Variants in JAK2 observed in about 807,000 individuals in gnomAD.
JAK2 encodes tyrosine-protein kinase JAK2.
Under a neutral mutation model 139.3 loss-of-function variants are expected in JAK2, and 86 were observed. That is an observed-to-expected ratio of 0.62 (90% CI 0.52 to 0.74). The LOEUF is 0.74. JAK2 is among the 30% of genes least tolerant of loss of function. The pLI is 0.00. For synonymous variants in JAK2, 490 were observed against 437.7 expected (o/e 1.12, Z -1.49); for missense variants, 1,421 against 1,360.3 (o/e 1.04, Z -0.70).
intron 22 of JAK2, chr9:5,111,760 C>T (rs1418537794): frequency 1.4e-5 from 6 of 422,026 alleles, no homozygotes; most frequent in Admixed American, 5.6e-5. Flanking sequence ...GAGAAGTGAA[C>T]GGTGGGCTTC....
chr9:5,035,577 A>T (rs1195460604), intron 4 of JAK2, among the ~76,000 whole-genome samples: 1 of 152,256 alleles, frequency 6.6e-6, no homozygotes, highest in East Asian at 1.9e-4. Flanking sequence ...GGCTGGTTCA[A>T]CATATGCAAA....
chr9:4,987,781 A>G (rs568005309), intron 2 of JAK2, among the ~76,000 whole-genome samples: 3 of 150,958 alleles, frequency 2.0e-5, no homozygotes, highest in South Asian at 2.1e-4. Context: ...ATTATTTACG[A>G]CTCTTTTAGC....
chr9:5,115,733 A>C (rs1823101534), intron 22 of JAK2, among the ~76,000 whole-genome samples: 2 of 152,266 alleles, frequency 1.3e-5, no homozygotes, highest in African/African-American at 4.8e-5. Flanking sequence ...ATGCAGCCAT[A>C]AACAAGGATG....
At chr9:5,041,983 T>G (rs1291497666) in intron 4 of JAK2, 1 of 364,460 alleles carries the variant, frequency 2.7e-6, no homozygotes, top group Admixed American at 3.8e-5. Flanking sequence ...AGCGAGCTTG[T>G]GTGAGGGCCT....
At chr9:5,067,279 T>G (rs1238178126) in intron 10 of JAK2, among the ~76,000 whole-genome samples, 1 of 152,142 alleles carries the variant, frequency 6.6e-6, no homozygotes, top group African/African-American at 2.4e-5. Context: ...TTAAGAATAG[T>G]GGTCTACAAT....
At chr9:5,106,358 T>C (rs1252122624) in intron 22 of JAK2, among the ~76,000 whole-genome samples, 1 of 152,170 alleles carries the variant, frequency 6.6e-6, no homozygotes, top group Non-Finnish European at 1.5e-5. Flanking sequence ...TACCATCTCA[T>C]GCCAGTTAGA....
At chr9:4,987,438 G>T (rs564273683) in intron 2 of JAK2, among the ~76,000 whole-genome samples, 5 of 152,136 alleles carry the variant, frequency 3.3e-5, no homozygotes, top group Non-Finnish European at 7.3e-5. Context: ...TGCCACTTAA[G>T]AGTTGCATTA....
intron 2 of JAK2, among the ~76,000 whole-genome samples, chr9:4,996,328 A>G (rs1820558280): frequency 6.6e-6 from 1 of 152,144 alleles, no homozygotes; most frequent in Non-Finnish European, 1.5e-5. Flanking sequence ...CATGCCTGTA[A>G]TCTGAGCTAC....
intron 22 of JAK2, among the ~76,000 whole-genome samples, chr9:5,120,782 A>T (rs938856988): frequency 6.6e-6 from 1 of 152,232 alleles, no homozygotes; most frequent in African/African-American, 2.4e-5. Context: ...TTAGTGGGTC[A>T]TTAGACACTG....
At chr9:5,071,793 G>T (rs1475647404) in intron 12 of JAK2, among the ~76,000 whole-genome samples, 2 of 152,160 alleles carry the variant, frequency 1.3e-5, no homozygotes, top group African/African-American at 4.8e-5. Flanking sequence ...CAGGTAACTT[G>T]ACTAACATTA....
chr9:5,104,426 C>T (rs1227393667), intron 22 of JAK2, among the ~76,000 whole-genome samples: 3 of 152,058 alleles, frequency 2.0e-5, no homozygotes, highest in Admixed American at 6.6e-5. Flanking sequence ...TAATAGCCTA[C>T]CAACCAAAAA....
intron 22 of JAK2, chr9:5,108,108 G>A (rs547851769): frequency 6.6e-6 from 1 of 152,102 alleles, no homozygotes; most frequent in South Asian, 2.1e-4. Flanking sequence ...ATCTGCTGAT[G>A]TCACCCCTCC....
intron 18 of JAK2, 111 bp downstream of exon 18, chr9:5,080,794 C>T (rs925948551): frequency 1.3e-6 from 1 of 762,978 alleles, no homozygotes; most frequent in Non-Finnish European, 2.0e-6. Context: ...GTCATTTGGG[C>T]CCTCTTAATT....
At position 5,055,000 on chromosome 9, in the gene JAK2, G is replaced by A; in HGVS notation, c.936+116G>A. On this transcript the variant is annotated intron_variant, in intron 7 of 24. Transcript: ENST00000381652. This position sits in a 1 kb window ranked among gnomAD's most constrained non-coding sequence, Gnocchi z 4.9. ...TGCACTTCTCCCATTTGATAGAAGT[G>A]GAAGTTTTTAATAGCGTGAACCTAT... 1 of 738,084 alleles carries A rather than the reference G, an allele frequency of 1.4e-6. No homozygotes were observed. The highest frequency in any genetic ancestry group is 2.1e-6 in the Non-Finnish European group (1 of 467,298). The allele number at this position is 738,084 out of a possible 1,614,324, so 45.7% of individuals were successfully genotyped here.
rs147458711 is a variant in JAK2, at chr9:4,998,188, T to C, written c.-26+12166T>C. Among the ~76,000 whole-genome samples, 7 of 152,288 alleles carry C rather than the reference T, an allele frequency of 4.6e-5. No individual in the cohort carries two copies. In the East Asian group the frequency reaches 1.3e-3, roughly 29 times the overall value. ...CTTCTTAAAATCTTTTAAAAATGTCTTGGTAATACAGGCTTGGAATATGAT... is the reference window on the plus strand; with the variant it reads ...CTTCTTAAAATCTTTTAAAAATGTCCTGGTAATACAGGCTTGGAATATGAT... On this transcript the variant is annotated intron_variant, in intron 2 of 24. Coordinates refer to ENST00000381652, the MANE Select transcript of JAK2 (RefSeq NM_004972.4).
chr9:5,103,416 T>C (rs1251286058), intron 22 of JAK2, among the ~76,000 whole-genome samples: 1 of 151,812 alleles, frequency 6.6e-6, no homozygotes, highest in Non-Finnish European at 1.5e-5. Flanking sequence ...CCAAGATTCA[T>C]AAAGCAAGTC....
intron 2 of JAK2, among the ~76,000 whole-genome samples, chr9:4,990,209 A>G (rs543041590): frequency 6.6e-6 from 1 of 152,350 alleles, no homozygotes; most frequent in South Asian, 2.1e-4. Flanking sequence ...GGAGGAAATC[A>G]AAGAGTGTTG....
At chr9:5,031,946 C>T (rs80231148) in intron 4 of JAK2, among the ~76,000 whole-genome samples, 3 of 152,182 alleles carry the variant, frequency 2.0e-5, no homozygotes, top group Non-Finnish European at 4.4e-5. Flanking sequence ...GAGCATGAGC[C>T]GAAGCAGGGC....
intron 4 of JAK2, among the ~76,000 whole-genome samples, chr9:5,040,022 C>G (rs1226606370): frequency 1.3e-5 from 2 of 152,048 alleles, no homozygotes; most frequent in African/African-American, 2.4e-5. Context: ...TGAAACAATA[C>G]AAAGTTTGAA....
Sources: gnomAD v4.1 joint callset for allele counts (sites outside exome capture counted in the v4.1 genomes callset) on GRCh38, gnomAD v4.1.1 for gene constraint, Gnocchi (gnomAD v3.1) non-coding constraint, MANE v1.5 for transcripts, NCBI Gene and HGNC (gene_info 2026-07-23, HGNC 2026-07-21) for gene names.